Variants in ZSWIM6 observed in about 807,000 individuals in gnomAD.
ZSWIM6 encodes the protein zinc finger SWIM-type containing 6, also known as zinc finger SWIM domain-containing protein 6.
In ZSWIM6, 9 loss-of-function variants were observed where a neutral mutation model predicts 113.2. That is an observed-to-expected ratio of 0.08 (90% confidence interval 0.05 to 0.14). The LOEUF (loss-of-function observed/expected upper bound fraction) is 0.14, where lower values mean the gene tolerates loss of function less well. Among genes scored for constraint, ZSWIM6 ranks in the 10% least tolerant of loss-of-function variants. The pLI is 1.00. For missense variants in ZSWIM6, 1,162 were observed against 1,552.2 expected, an observed-to-expected ratio of 0.75 and a Z score of 4.22; for synonymous variants, 611 against 606.5, an observed-to-expected ratio of 1.01 and a Z score of -0.11.
At chr5:61,394,815 C>G (rs1017454397) in intron 1 of ZSWIM6, among the ~76,000 whole-genome samples, 1 of 152,084 alleles carries the variant, frequency 6.6e-6, no homozygotes, top group Non-Finnish European at 1.5e-5. Flanking sequence ...ACAGTTACCC[C>G]CTTTTTCCAA....
chr5:61,426,157 G>C (rs1223038124), intron 1 of ZSWIM6, among the ~76,000 whole-genome samples: 1 of 152,156 alleles, frequency 6.6e-6, no homozygotes, highest in Non-Finnish European at 1.5e-5. Flanking sequence ...TTGCAAGGTT[G>C]TAAAGTGATA....
chr5:61,528,515 A>C (rs1350782505), intron 7 of ZSWIM6, among the ~76,000 whole-genome samples: 1 of 151,698 alleles, frequency 6.6e-6, no homozygotes, highest in African/African-American at 2.4e-5. Context: ...AGCAACAGAA[A>C]TTGAATATAA....
At chr5:61,362,394 C>T (rs1393507117) in intron 1 of ZSWIM6, among the ~76,000 whole-genome samples, 5 of 152,082 alleles carry the variant, frequency 3.3e-5, no homozygotes, top group South Asian at 2.1e-4. Context: ...GATGGGGTTT[C>T]GCCATTTTGG....
At chr5:61,437,747 A>G (rs936026077) in intron 1 of ZSWIM6, among the ~76,000 whole-genome samples, 16 of 149,562 alleles carry the variant, frequency 1.1e-4, no homozygotes, top group Admixed American at 1.0e-3. Context: ...AAAGAAATCC[A>G]CTAGTTGACT....
At chr5:61,370,251 C>T (rs916283736) in intron 1 of ZSWIM6, among the ~76,000 whole-genome samples, 1 of 152,152 alleles carries the variant, frequency 6.6e-6, no homozygotes, top group African/African-American at 2.4e-5. Context: ...CCTCCCCTCC[C>T]ATTATTTAAA....
At chr5:61,377,555 TA>T (rs1745397192) in intron 1 of ZSWIM6, among the ~76,000 whole-genome samples, 1 of 151,768 alleles carries the variant, frequency 6.6e-6, no homozygotes, top group South Asian at 2.1e-4. Context: ...CCGTCTCTAC[TA>T]AAAACAAAAA....
chr5:61,425,959 C>T (rs1382465649), intron 1 of ZSWIM6, among the ~76,000 whole-genome samples: 2 of 152,250 alleles, frequency 1.3e-5, no homozygotes, highest in African/African-American at 2.4e-5. Context: ...TCTTAAATAA[C>T]GGGGAGTGAT....
At chr5:61,373,549 G>A (rs369181326) in intron 1 of ZSWIM6, among the ~76,000 whole-genome samples, 3 of 151,714 alleles carry the variant, frequency 2.0e-5, no homozygotes, top group Non-Finnish European at 4.4e-5. Context: ...TAATAATCAC[G>A]TCTGGTTCAT....
chr5:61,355,181 C>T (rs139124787), intron 1 of ZSWIM6, among the ~76,000 whole-genome samples: 7 of 152,202 alleles, frequency 4.6e-5, no homozygotes, highest in African/African-American at 1.7e-4. Context: ...GGACCAGATA[C>T]GTCAGCTTGG....
At position 61,453,525 on chromosome 5, in the gene ZSWIM6, C is replaced by CCACT. The variant is rs1311258989; in HGVS notation, c.677-19153_677-19152insTCAC. 2.6e-5 allele frequency among the ~76,000 whole-genome samples: 4 copies of CCACT among 151,766 alleles called. No individual in the cohort carries two copies. The East Asian group carries it at 7.8e-4, about 29-fold the overall frequency. ...AAGTAGCTGTGACTACAGGCATGTG[C>CCACT]CACCATGCCTAGCTAATTTTTGTAT... On this transcript the variant is annotated intron_variant, in intron 1 of 13. Transcript: ENST00000252744.
chr5:61,431,373 A>C (rs1403078175), intron 1 of ZSWIM6, among the ~76,000 whole-genome samples: 1 of 40,742 alleles, frequency 2.5e-5, no homozygotes, highest in South Asian at 1.2e-3. Flanking sequence ...CTCCATCTCC[A>C]AAAAAAAAAA....
chr5:61,337,010 ATGGCTCATGCC>A (rs1744413509), intron 1 of ZSWIM6, among the ~76,000 whole-genome samples: 1 of 151,298 alleles, frequency 6.6e-6, no homozygotes, highest in Admixed American at 6.6e-5. Context: ...GCTGGGCGTG[ATGGCTCATGCC>A]TGTAATCCCA....
At chr5:61,481,461 C>T (rs1441447130) in intron 2 of ZSWIM6, among the ~76,000 whole-genome samples, 1 of 151,942 alleles carries the variant, frequency 6.6e-6, no homozygotes, top group African/African-American at 2.4e-5. Context: ...TAGAATGTGC[C>T]ACCCTGCTTA....
At chr5:61,375,357 T>A in intron 1 of ZSWIM6, 1 of 1,600,406 alleles carries the variant, frequency 6.2e-7, no homozygotes, top group Non-Finnish European at 8.6e-7. Context: ...AATTGTTAAG[T>A]GGAAGTGAGA....
chr5:61,388,472 TG>T (rs1336822907), intron 1 of ZSWIM6, among the ~76,000 whole-genome samples: 1 of 152,252 alleles, frequency 6.6e-6, no homozygotes, highest in Non-Finnish European at 1.5e-5. Flanking sequence ...CTTTTCCTCT[TG>T]GAAGTTGGAA....
At position 61,530,038 on chromosome 5, in the gene ZSWIM6, C is replaced by CT. The variant is rs371691589; in HGVS notation, c.1838-11dup. 4.6e-6 allele frequency: 7 copies of CT among 1,536,326 alleles called. No individual in the cohort carries two copies. In the African/African-American group the frequency reaches 9.6e-5, roughly 21 times the overall value. ...TTCTACTCCCCCATTTCTCAATTCC[C>CT]TTTCCTTACACAGAGCTACCCCATA... On this transcript the variant is annotated splice_polypyrimidine_tract_variant and intron_variant, in intron 7 of 13. Transcript: ENST00000252744.
At chr5:61,444,702 A>C (rs1746913605) in intron 1 of ZSWIM6, among the ~76,000 whole-genome samples, 1 of 152,192 alleles carries the variant, frequency 6.6e-6, no homozygotes, top group African/African-American at 2.4e-5. Context: ...ATTAATGTTT[A>C]ATTTATAGAA....
At chr5:61,393,923 CTTA>C (rs1250923918) in intron 1 of ZSWIM6, among the ~76,000 whole-genome samples, 1 of 151,978 alleles carries the variant, frequency 6.6e-6, no homozygotes, top group Admixed American at 6.6e-5. Context: ...TATAACCAAC[CTTA>C]TTATATGATG....
intron 7 of ZSWIM6, among the ~76,000 whole-genome samples, chr5:61,527,816 CTT>C (rs1356588994): frequency 6.6e-6 from 1 of 152,068 alleles, no homozygotes; most frequent in Non-Finnish European, 1.5e-5. Flanking sequence ...TAAATGTTGA[CTT>C]TTAAAATTTG....
Sources: allele counts gnomAD v4.1 joint callset (sites outside exome capture counted in the v4.1 genomes callset), GRCh38; gene constraint gnomAD v4.1.1; transcripts MANE v1.5; gene names NCBI Gene and HGNC (gene_info 2026-07-23, HGNC 2026-07-21).